Variants in ZDHHC14 observed in about 807,000 individuals in gnomAD.
The protein encoded by ZDHHC14 is zDHHC palmitoyltransferase 14.
A neutral mutation model predicts 47.7 loss-of-function variants in ZDHHC14; 16 were observed. The ratio of observed to expected loss-of-function variants is 0.34; its 90% CI spans 0.23 to 0.51. The LOEUF (loss-of-function observed/expected upper bound fraction) is 0.51, where lower values mean the gene tolerates loss of function less well. Among genes scored for constraint, ZDHHC14 ranks in the 20% least tolerant of loss-of-function variants. ZDHHC14 has a pLI of 0.97. For synonymous variants in ZDHHC14, 293 were observed against 278.9 expected, an observed-to-expected ratio of 1.05 and a Z score of -0.50; for missense variants, 515 against 662.5, an observed-to-expected ratio of 0.78 and a Z score of 2.44.
At chr6:157,670,475 G>A (rs1410615162) in intron 8 of ZDHHC14, among the ~76,000 whole-genome samples, 1 of 151,958 alleles carries the variant, frequency 6.6e-6, no homozygotes, top group Non-Finnish European at 1.5e-5. Context: ...TGTATTTTTT[G>A]TAGAGATGAG....
intron 1 of ZDHHC14, among the ~76,000 whole-genome samples, chr6:157,412,219 G>T (rs796856505): frequency 2.0e-5 from 3 of 151,938 alleles, no homozygotes; most frequent in Non-Finnish European, 4.4e-5. Flanking sequence ...GATTACAGAC[G>T]TGAGCCACTG....
intron 8 of ZDHHC14, among the ~76,000 whole-genome samples, chr6:157,656,319 T>C (rs1778086863): frequency 6.6e-6 from 1 of 151,072 alleles, no homozygotes; most frequent in Non-Finnish European, 1.5e-5. Flanking sequence ...TGTCACTCAA[T>C]TCAGTGTAAG....
chr6:157,612,713 C>A (rs1784799258), intron 3 of ZDHHC14, among the ~76,000 whole-genome samples: 2 of 152,138 alleles, frequency 1.3e-5, no homozygotes, highest in South Asian at 4.1e-4. Context: ...GCAGCCAACT[C>A]CTTGACTGGC....
At chr6:157,446,513 G>A (rs1204785719) in intron 1 of ZDHHC14, among the ~76,000 whole-genome samples, 5 of 152,026 alleles carry the variant, frequency 3.3e-5, no homozygotes, top group Non-Finnish European at 7.4e-5. Context: ...AGGTTCAAGC[G>A]ATTCTCCTGC....
chr6:157,470,621 T>TC (rs1779330874), intron 1 of ZDHHC14, among the ~76,000 whole-genome samples: 1 of 152,256 alleles, frequency 6.6e-6, no homozygotes, highest in Non-Finnish European at 1.5e-5. Context: ...TTATGAATGT[T>TC]CTGCAATGTT....
intron 1 of ZDHHC14, among the ~76,000 whole-genome samples, chr6:157,484,346 G>A (rs867940138): frequency 1.5e-4 from 20 of 134,506 alleles, no homozygotes; most frequent in Admixed American, 1.2e-3. Context: ...TACATTATAC[G>A]TATATATACA....
intron 1 of ZDHHC14, among the ~76,000 whole-genome samples, chr6:157,523,248 C>T (rs748945039): frequency 6.6e-6 from 1 of 151,842 alleles, no homozygotes; most frequent in Non-Finnish European, 1.5e-5. Context: ...CCTTTCCTGC[C>T]CTTCAGGAGC....
At chr6:157,417,397 G>A (rs140978708) in intron 1 of ZDHHC14, among the ~76,000 whole-genome samples, 6 of 62,884 alleles carry the variant, frequency 9.5e-5, no homozygotes, top group Middle Eastern at 0.013. Flanking sequence ...AACTAATCAC[G>A]TATCGTGGAC....
In ZDHHC14 at chr6:157,421,333, A is replaced by T. The variant is rs536443396; in HGVS notation, c.245+39067A>T. On this transcript the variant is annotated intron_variant, in intron 1 of 8. Coordinates refer to ENST00000359775, the MANE Select transcript of ZDHHC14 (RefSeq NM_024630.3). ...AAACCACGTCTCTACTAAAAATATT[A>T]AAAAAAAAATTTGCTGGGTGTGGTG... Among the ~76,000 whole-genome samples, 46 of 148,866 alleles carry T rather than the reference A, an allele frequency of 3.1e-4. 1 individual carries two copies. The highest frequency in any genetic ancestry group is 8.0e-4 in the East Asian group (4 of 4,996).
rs3749840 is a variant in ZDHHC14, at chr6:157,675,299, C to G, written c.*2177C>G. 0.029 allele frequency: 4,489 copies of G among 152,344 alleles called. 108 individuals are homozygous for G. Among genetic ancestry groups the G allele is most frequent in the East Asian group, 0.1 (529 of 5,194 alleles). The allele number at this position is 152,344 out of a possible 1,614,324, so 9.4% of individuals were successfully genotyped here. A position where few individuals can be genotyped will look rare whatever the true frequency, so the allele number is the denominator to read the frequency against. ...ATTTCCTAACTCAGTGGTTGCCACT[C>G]TCCTGTGACCAGCCCTTCTTCCCAC... On this transcript the variant is annotated 3_prime_UTR_variant, in exon 9 of 9. Transcript: ENST00000359775.
At chr6:157,518,718 G>A (rs1391435904) in intron 1 of ZDHHC14, among the ~76,000 whole-genome samples, 2 of 139,300 alleles carry the variant, frequency 1.4e-5, no homozygotes, top group African/African-American at 2.6e-5. Flanking sequence ...TCGTTATTTA[G>A]AATCCATGTC....
In ZDHHC14 at chr6:157,586,318, T is replaced by C. The variant is rs1485128693; in HGVS notation, c.407-6670T>C. Among the ~76,000 whole-genome samples the C allele has an allele frequency of 6.6e-6, 1 of 152,030 alleles. No individual in the cohort carries two copies. The highest frequency in any genetic ancestry group is 1.5e-5 in the Non-Finnish European group (1 of 68,002). ...TGCAAAGTGTTTTCACAAGAGAAGC[T>C]GGAACTGGCCCTCAAAGGATAGGAT... On this transcript the variant is annotated intron_variant, in intron 2 of 8. Transcript: ENST00000359775. The surrounding 1 kb of genome is among the most constrained non-coding windows in gnomAD (Gnocchi z 4.6).
chr6:157,477,397 A>T (rs944093005), intron 1 of ZDHHC14, among the ~76,000 whole-genome samples: 1 of 152,206 alleles, frequency 6.6e-6, no homozygotes, highest in African/African-American at 2.4e-5. Context: ...AAGCAAAACA[A>T]AACACAAATA....
chr6:157,591,061 T>A (rs182536326), intron 2 of ZDHHC14, among the ~76,000 whole-genome samples: 14 of 152,338 alleles, frequency 9.2e-5, no homozygotes, highest in African/African-American at 3.4e-4. Context: ...AACAGGTTTA[T>A]TTTACCCAGT....
chr6:157,641,401 G>A (rs1489916367), intron 5 of ZDHHC14, among the ~76,000 whole-genome samples: 4 of 152,010 alleles, frequency 2.6e-5, no homozygotes, highest in Admixed American at 2.6e-4. Context: ...TGTCATTTTG[G>A]CCAATTCGAT....
At chr6:157,436,209 T>C (rs1409121771) in intron 1 of ZDHHC14, among the ~76,000 whole-genome samples, 1 of 152,166 alleles carries the variant, frequency 6.6e-6, no homozygotes, top group African/African-American at 2.4e-5. Context: ...ATCCTCCTTT[T>C]TTTCCTTATT....
At chr6:157,642,045 G>T (rs1777278390) in intron 5 of ZDHHC14, among the ~76,000 whole-genome samples, 1 of 150,178 alleles carries the variant, frequency 6.7e-6, no homozygotes, top group African/African-American at 2.5e-5. Flanking sequence ...TAGATAGATA[G>T]ATAGATAGAT....
intron 3 of ZDHHC14, among the ~76,000 whole-genome samples, chr6:157,603,001 C>G (rs952050778): frequency 6.6e-6 from 1 of 152,198 alleles, no homozygotes; most frequent in Non-Finnish European, 1.5e-5. Flanking sequence ...TCACTGAGCT[C>G]TCTGGAAAGT....
At chr6:157,532,363 T>C (rs1781395932) in intron 1 of ZDHHC14, among the ~76,000 whole-genome samples, 1 of 152,252 alleles carries the variant, frequency 6.6e-6, no homozygotes, top group Non-Finnish European at 1.5e-5. Context: ...AGCGTTTGGG[T>C]TCAATTCCAT....
Sources: gnomAD v4.1 joint callset for allele counts (sites outside exome capture counted in the v4.1 genomes callset) on GRCh38, gnomAD v4.1.1 for gene constraint, Gnocchi (gnomAD v3.1) non-coding constraint, MANE v1.5 for transcripts, NCBI Gene and HGNC (gene_info 2026-07-23, HGNC 2026-07-21) for gene names.